ARHGAP39: variants seen among roughly 807,000 people sequenced by gnomAD.
ARHGAP39 encodes the protein Rho GTPase activating protein 39, also known as rho GTPase-activating protein 39.
ARHGAP39 carries 44 observed loss-of-function variants against 106.9 expected under a neutral mutation model. That is an observed-to-expected ratio of 0.41 (90% CI 0.32 to 0.53). ARHGAP39 has a LOEUF of 0.53. Ranked by LOEUF, ARHGAP39 falls within the 20% of genes least tolerant of loss-of-function variation. ARHGAP39 has a pLI of 0.21. For missense variants in ARHGAP39, 1,496 were observed against 1,577.3 expected, an observed-to-expected ratio of 0.95 and a Z score of 0.87; for synonymous variants, 768 against 693.2, an observed-to-expected ratio of 1.11 and a Z score of -1.69.
the ARHGAP39 span, among the ~76,000 whole-genome samples, chr8:144,695,842 G>GAT: frequency 6.6e-6 from 1 of 152,218 alleles, no homozygotes; most frequent in African/African-American, 2.4e-5. Context: ...GGGAACTGCG[G>GAT]ATATTGCTCG....
chr8:144,579,762 ACCTCTGCAGAAAG>A (rs1818901556), intron 3 of ARHGAP39, among the ~76,000 whole-genome samples: 1 of 151,634 alleles, frequency 6.6e-6, no homozygotes, highest in South Asian at 2.1e-4. Context: ...GCTCCTTCCC[ACCTCTGCAGAAAG>A]CCCCTGGGCC....
chr8:144,601,367 T>C (rs1006403413), intron 2 of ARHGAP39, among the ~76,000 whole-genome samples: 2 of 137,850 alleles, frequency 1.5e-5, no homozygotes, highest in Admixed American at 1.5e-4. Context: ...TGCGAGCTCA[T>C]GTACCTGTGT....
intron 1 of ARHGAP39, among the ~76,000 whole-genome samples, chr8:144,607,596 T>C (rs1017606020): frequency 9.9e-5 from 15 of 151,962 alleles, no homozygotes; most frequent in African/African-American, 2.7e-4. Flanking sequence ...GGCCATTCCA[T>C]AGATACTAGC....
rs539549718 is a variant in ARHGAP39 at position 144,598,482 on chromosome 8, C to T, written c.80+7053G>A. On this transcript the variant is annotated intron_variant, in intron 2 of 11. Coordinates refer to ENST00000377307, the MANE Select transcript of ARHGAP39 (RefSeq NM_025251.3). ...CAGGAGGCCAGCAGGACCAGACAGACGGGCAGAAGCAGCCCCAGCTCCTTA... is the reference window on the plus strand; with the variant it reads ...CAGGAGGCCAGCAGGACCAGACAGATGGGCAGAAGCAGCCCCAGCTCCTTA... Among the ~76,000 whole-genome samples the T allele has an allele frequency of 5.3e-5, 8 of 152,294 alleles. No individual in the cohort carries two copies. In the East Asian group the frequency reaches 5.8e-4, roughly 11 times the overall value.
chr8:144,641,730 A>C lies in ARHGAP39; in HGVS notation c.-81-36035T>G, dbSNP rs1461191348. 6.6e-6 allele frequency among the ~76,000 whole-genome samples: 1 copy of C among 152,218 alleles called. No homozygotes were observed. Among genetic ancestry groups the C allele is most frequent in the African/African-American group, 2.4e-5 (1 of 41,456 alleles). ...AGAAACGCAGACCCAGGATGCACCCAAGCTCCTGCCACAGTCTGAGCTGGC... is the reference window on the plus strand; with the variant it reads ...AGAAACGCAGACCCAGGATGCACCCCAGCTCCTGCCACAGTCTGAGCTGGC... On this transcript the variant is annotated intron_variant, in intron 1 of 11. Coordinates refer to ENST00000377307, the MANE Select transcript of ARHGAP39 (RefSeq NM_025251.3). This position sits in a 1 kb window ranked among gnomAD's most constrained non-coding sequence, Gnocchi z 5.2.
upstream of ARHGAP39, among the ~76,000 whole-genome samples, chr8:144,687,102 G>A (rs537974806): frequency 0.019 from 65 of 3,502 alleles, no homozygotes; most frequent in Non-Finnish European, 0.023. Context: ...ACCACACACT[G>A]GCGGCGACCA....
chr8:144,560,007 G>T (rs1818083184), intron 3 of ARHGAP39, among the ~76,000 whole-genome samples: 1 of 152,218 alleles, frequency 6.6e-6, no homozygotes, highest in Non-Finnish European at 1.5e-5. Flanking sequence ...TTGGCCTGTG[G>T]TAGACAGCAC....
chr8:144,573,750 C>CATAATTCTCACAAAATTATGTGCTA (rs1818667699), intron 3 of ARHGAP39, among the ~76,000 whole-genome samples: 1 of 151,920 alleles, frequency 6.6e-6, no homozygotes, highest in Non-Finnish European at 1.5e-5. Flanking sequence ...ATGAATTAGC[C>CATAATTCTCACAAAATTATGTGCTA]CACAAAGCAA....
intron 1 of ARHGAP39, among the ~76,000 whole-genome samples, chr8:144,658,402 G>T (rs1288049118): frequency 6.6e-6 from 1 of 152,132 alleles, no homozygotes; most frequent in Non-Finnish European, 1.5e-5. Flanking sequence ...AGCCTCCCAA[G>T]TAGCTGGGAT....
At position 144,619,537 on chromosome 8, in the gene ARHGAP39, C is replaced by G. The variant is rs768386676; in HGVS notation, c.-81-13842G>C. On this transcript the variant is annotated intron_variant, in intron 1 of 11. Coordinates refer to ENST00000377307, the MANE Select transcript of ARHGAP39 (RefSeq NM_025251.3). ...GAGAAAGCGTGTGTGCCTGTGTGCACGTGAGCCTGTGTCCGAGACAGCGTG... is the reference window on the plus strand; with the variant it reads ...GAGAAAGCGTGTGTGCCTGTGTGCAGGTGAGCCTGTGTCCGAGACAGCGTG... 5.4e-5 allele frequency among the ~76,000 whole-genome samples: 8 copies of G among 148,830 alleles called. No homozygotes were observed. In the East Asian group the frequency reaches 1.6e-3, roughly 31 times the overall value.
intron 2 of ARHGAP39, among the ~76,000 whole-genome samples, chr8:144,600,614 G>A (rs114484141): frequency 0.024 from 3,565 of 147,116 alleles, 130 homozygotes; most frequent in African/African-American, 0.085. Flanking sequence ...TCGTGGAGGC[G>A]TGCGTGCGCA....
intron 2 of ARHGAP39, chr8:144,584,159 C>G (rs1480722945): frequency 6.6e-6 from 1 of 152,212 alleles, no homozygotes; most frequent in African/African-American, 2.4e-5. Context: ...GATTAACTGG[C>G]CAAGTGCGGT....
intron 3 of ARHGAP39, among the ~76,000 whole-genome samples, chr8:144,567,644 T>G (rs537084777): frequency 1.3e-5 from 2 of 152,364 alleles, no homozygotes; most frequent in African/African-American, 4.8e-5. Flanking sequence ...TCCACCTTCA[T>G]GTTCCATCCT....
In ARHGAP39 at chr8:144,533,182, T is replaced by C; in HGVS notation, c.2832A>G (p.Thr944=). 4 of 1,611,884 alleles carry C rather than the reference T, an allele frequency of 2.5e-6. No homozygotes were observed. Among genetic ancestry groups the C allele is most frequent in the East Asian group, 4.5e-5 (2 of 44,884 alleles). ...YPERQLPWVQ[T]RLSEEVLALN... is the part of the protein sequence containing the mutation. The stretch of plus-strand genomic sequence containing the variant: ...GCGCCAGCACCTCCTCAGAGAGCCG[T>C]GTCTGCACCCAGGGCAGCTGGCGCT... Residue 944 remains threonine (T), a synonymous_variant, in exon 9 of 12, where the codon ACA becomes ACG. Coordinates refer to ENST00000377307, the MANE Select transcript of ARHGAP39 (RefSeq NM_025251.3).
the ARHGAP39 span, among the ~76,000 whole-genome samples, chr8:144,699,849 G>C: frequency 1.3e-5 from 2 of 152,226 alleles, no homozygotes; most frequent in South Asian, 4.1e-4. Context: ...AGAACCTGTC[G>C]GGGGCCCCCA....
chr8:144,595,585 G>A (rs2069701791), intron 2 of ARHGAP39, among the ~76,000 whole-genome samples: 1 of 152,262 alleles, frequency 6.6e-6, no homozygotes, highest in South Asian at 2.1e-4. Context: ...AGGGGCAGCT[G>A]GGCTGGGCTC....
intron 1 of ARHGAP39, among the ~76,000 whole-genome samples, chr8:144,650,586 T>C (rs1821549429): frequency 6.6e-6 from 1 of 152,162 alleles, no homozygotes; most frequent in South Asian, 2.1e-4. Context: ...CCCCGGGATA[T>C]AAGGTTGGTT....
intron 1 of ARHGAP39, among the ~76,000 whole-genome samples, chr8:144,662,327 A>G (rs1360760071): frequency 7.6e-6 from 1 of 131,084 alleles, no homozygotes; most frequent in Non-Finnish European, 1.6e-5. Context: ...CCTCCCTACT[A>G]TCCGCCTTAG....
intron 3 of ARHGAP39, among the ~76,000 whole-genome samples, chr8:144,566,869 A>C (rs980437371): frequency 2.0e-5 from 3 of 152,098 alleles, no homozygotes; most frequent in African/African-American, 7.2e-5. Flanking sequence ...AAAGAAAAAA[A>C]AAAAAAAGAA....
Sources: allele counts gnomAD v4.1 joint callset (sites outside exome capture counted in the v4.1 genomes callset), GRCh38; gene constraint gnomAD v4.1.1; non-coding constraint Gnocchi (gnomAD v3.1); transcripts MANE v1.5; gene names NCBI Gene and HGNC (gene_info 2026-07-23, HGNC 2026-07-21).